Variants in FAM3B observed in about 807,000 individuals in gnomAD.
FAM3B encodes protein FAM3B.
Under a neutral mutation model 28.4 loss-of-function variants are expected in FAM3B, and 29 were observed. The ratio of observed to expected loss-of-function variants is 1.02; its 90% CI spans 0.76 to 1.39. FAM3B has a LOEUF of 1.39. Ranked by LOEUF, FAM3B falls within the 40% of genes most tolerant of loss-of-function variation. The pLI is 0.00. For missense variants in FAM3B, 266 were observed against 293.9 expected (o/e 0.91, Z 0.69); for synonymous variants, 91 against 103.0 (o/e 0.88, Z 0.71).
At chr21:41,327,438 G>A (rs976137221) in intron 2 of FAM3B, among the ~76,000 whole-genome samples, 1 of 152,182 alleles carries the variant, frequency 6.6e-6, no homozygotes, top group Non-Finnish European at 1.5e-5. Flanking sequence ...GGTTAGTAGA[G>A]GTTGGAGAAA....
chr21:41,356,261 C>T (rs1217890147), intron 7 of FAM3B, among the ~76,000 whole-genome samples: 1 of 152,048 alleles, frequency 6.6e-6, no homozygotes, highest in Non-Finnish European at 1.5e-5. Context: ...GCTTACATCC[C>T]AATAAAAGCA....
At chr21:41,353,636 C>T (rs1389528508) in intron 7 of FAM3B, among the ~76,000 whole-genome samples, 3 of 152,228 alleles carry the variant, frequency 2.0e-5, no homozygotes, top group Admixed American at 1.3e-4. Flanking sequence ...GACCCTACCT[C>T]ATACCATATA....
At chr21:41,307,044 C>CT (rs779649379) in intron 1 of FAM3B, among the ~76,000 whole-genome samples, 26 of 152,240 alleles carry the variant, frequency 1.7e-4, no homozygotes, top group Non-Finnish European at 3.4e-4. Context: ...CTTTTCCTCT[C>CT]TAACTCTGAA....
chr21:41,309,859 C>T (rs976175390), intron 1 of FAM3B, among the ~76,000 whole-genome samples: 2 of 152,220 alleles, frequency 1.3e-5, no homozygotes, highest in African/African-American at 4.8e-5. Flanking sequence ...CTGGTCCACC[C>T]AGGTTGTTTC....
chr21:41,355,300 A>T (rs151321828), intron 7 of FAM3B, among the ~76,000 whole-genome samples: 1 of 152,222 alleles, frequency 6.6e-6, no homozygotes, highest in Non-Finnish European at 1.5e-5. Context: ...TGGCCCTATG[A>T]CCCAACAGTT....
upstream of FAM3B, among the ~76,000 whole-genome samples, chr21:41,313,859 T>C (rs1259067032): frequency 2.0e-5 from 3 of 152,358 alleles, no homozygotes; most frequent in East Asian, 5.8e-4. Context: ...CCAAAATTTG[T>C]TCCTCCATTT....
At chr21:41,347,257 A>G (rs1003751981) in intron 6 of FAM3B, among the ~76,000 whole-genome samples, 157 bp downstream of exon 6, 3 of 152,120 alleles carry the variant, frequency 2.0e-5, no homozygotes, top group African/African-American at 7.2e-5. Flanking sequence ...GACAAAATAG[A>G]TGGCATTTCT....
At chr21:41,321,157 G>C (rs931470418) in intron 1 of FAM3B, among the ~76,000 whole-genome samples, 3 of 152,144 alleles carry the variant, frequency 2.0e-5, no homozygotes. Flanking sequence ...CAGAATACAG[G>C]GCACGGCCTT....
chr21:41,316,672 C>T, upstream of FAM3B: 2 of 403,298 alleles, frequency 5.0e-6, no homozygotes, highest in East Asian at 3.9e-5. Context: ...GCCCGGGGCA[C>T]AGCCCCGCGC....
intron 7 of FAM3B, among the ~76,000 whole-genome samples, chr21:41,352,043 G>C (rs911251112): frequency 6.6e-6 from 1 of 152,180 alleles, no homozygotes; most frequent in Non-Finnish European, 1.5e-5. Flanking sequence ...AGCAGGAGGA[G>C]CCATCATTCT....
intron 1 of FAM3B, among the ~76,000 whole-genome samples, chr21:41,317,709 G>A (rs1447929980): frequency 1.3e-5 from 2 of 152,070 alleles, no homozygotes; most frequent in Admixed American, 1.3e-4. Context: ...ATCACTTCCT[G>A]GTCCTGGATC....
chr21:41,352,657 G>C (rs2089131124), intron 7 of FAM3B, among the ~76,000 whole-genome samples: 1 of 152,084 alleles, frequency 6.6e-6, no homozygotes, highest in Non-Finnish European at 1.5e-5. Flanking sequence ...AGCCAGGCAT[G>C]GTGGCGGGCG....
intron 2 of FAM3B, 128 bp from the exon 3 acceptor site, chr21:41,338,250 C>T: frequency 9.7e-7 from 1 of 1,026,798 alleles, no homozygotes; most frequent in Non-Finnish European, 1.4e-6. Context: ...GAAACCCTTC[C>T]CCCTCAGGTT....
chr21:41,334,718 C>A (rs998007063), intron 2 of FAM3B, among the ~76,000 whole-genome samples: 4 of 152,214 alleles, frequency 2.6e-5, no homozygotes, highest in African/African-American at 9.7e-5. Flanking sequence ...CACTAGTCCC[C>A]ACTGGAGCAC....
At chr21:41,344,365 G>A (rs2089036989) in intron 3 of FAM3B, 111 bp from the exon 4 acceptor site, 2 of 980,212 alleles carry the variant, frequency 2.0e-6, no homozygotes, top group Non-Finnish European at 3.2e-6. Flanking sequence ...GACTTTCAAG[G>A]AAAAGGTGGG....
At chr21:41,316,456 T>C (rs1014119019), upstream of FAM3B, among the ~76,000 whole-genome samples, 10 of 152,208 alleles carry the variant, frequency 6.6e-5, no homozygotes, top group African/African-American at 2.4e-4. Flanking sequence ...CTCTGCTTTG[T>C]CATTTGAAAG....
chr21:41,310,402 G>A (rs1048695979), intron 1 of FAM3B, among the ~76,000 whole-genome samples: 2 of 152,250 alleles, frequency 1.3e-5, no homozygotes, highest in Non-Finnish European at 1.5e-5. Flanking sequence ...TAGGAACCCC[G>A]TGAGCTACTG....
chr21:41,342,649 T>C (rs2089018224), intron 3 of FAM3B, among the ~76,000 whole-genome samples: 2 of 152,270 alleles, frequency 1.3e-5, no homozygotes, highest in South Asian at 4.1e-4. Flanking sequence ...TATATTATCT[T>C]AGTTTTAGAA....
At chr21:41,337,188 T>C (rs1008794615) in intron 2 of FAM3B, among the ~76,000 whole-genome samples, 48 of 152,236 alleles carry the variant, frequency 3.2e-4, no homozygotes, top group Non-Finnish European at 1.0e-4. Flanking sequence ...GTACAGTAAT[T>C]CATAAAATAG....
Sources: allele counts gnomAD v4.1 joint callset (sites outside exome capture counted in the v4.1 genomes callset), GRCh38; gene constraint gnomAD v4.1.1; transcripts MANE v1.5; gene names NCBI Gene and HGNC (gene_info 2026-07-23, HGNC 2026-07-21).